HMGN1: variants seen among roughly 807,000 people sequenced by gnomAD.
The protein encoded by HMGN1 is non-histone chromosomal protein HMG-14.
HMGN1 carries 9 observed loss-of-function variants against 18.4 expected under a neutral mutation model. That is an observed-to-expected ratio of 0.49 (90% CI 0.29 to 0.85). HMGN1 has a LOEUF of 0.85. HMGN1 is among the 40% of genes least tolerant of loss of function. The pLI, the probability that HMGN1 is intolerant of heterozygous loss-of-function variation, is 0.07. For missense variants in HMGN1, 151 were observed against 119.2 expected, an observed-to-expected ratio of 1.27 and a Z score of -1.24; for synonymous variants, 59 against 45.0, an observed-to-expected ratio of 1.31 and a Z score of -1.24.
At chr21:39,348,016 G>A in intron 4 of HMGN1, 1 of 1,154,128 alleles carries the variant, frequency 8.7e-7, no homozygotes, top group East Asian at 3.0e-5. Context: ...CACAATGTAC[G>A]CAACGCAAAG....
At chr21:39,344,025 C>T (rs1903766398) in intron 5 of HMGN1, among the ~76,000 whole-genome samples, 2 of 152,052 alleles carry the variant, frequency 1.3e-5, no homozygotes, top group East Asian at 1.9e-4. Flanking sequence ...GAGGCCAAGG[C>T]GGACAGATCA....
rs192228448 is a variant in HMGN1, at chr21:39,345,764, A to T, written c.127-490T>A. 102 of 1,235,584 alleles carry T rather than the reference A, an allele frequency of 8.3e-5. No homozygotes were observed. The African/African-American group carries it at 1.5e-3, about 18-fold the overall frequency. The allele number at this position is 1,235,584 out of a possible 1,614,324, so 76.5% of individuals were successfully genotyped here. On this transcript the variant is annotated intron_variant, in intron 4 of 5. Transcript: ENST00000380749. ...TCGACCGTATTCCCACCCATCCCCA[A>T]ATTTGTTGTGAACTTCAACAATACT...
chr21:39,344,495 T>TGA (rs1180126427), intron 5 of HMGN1: 1 of 152,200 alleles, frequency 6.6e-6, no homozygotes, highest in Non-Finnish European at 1.5e-5. Flanking sequence ...CTGGCTTAAC[T>TGA]GAATCTTGCA....
intron 4 of HMGN1, chr21:39,347,366 CTT>C (rs1291066511): frequency 9.1e-7 from 1 of 1,095,792 alleles, no homozygotes; most frequent in Non-Finnish European, 1.2e-6. Flanking sequence ...GAAAAAACAT[CTT>C]TGTTTTATAC....
chr21:39,346,205 C>G (rs1330114513), intron 4 of HMGN1: 3 of 345,620 alleles, frequency 8.7e-6, no homozygotes, highest in East Asian at 7.6e-5. Flanking sequence ...TAAAGACAAG[C>G]AAGTAGAGCT....
At chr21:39,343,651 G>GT (rs1248991194) in intron 5 of HMGN1, among the ~76,000 whole-genome samples, 1 of 152,204 alleles carries the variant, frequency 6.6e-6, no homozygotes, top group Non-Finnish European at 1.5e-5. Context: ...CTACTGGGTA[G>GT]TGAGTTCGAT....
chr21:39,347,993 G>C (rs1601559384), intron 4 of HMGN1: 1 of 1,275,848 alleles, frequency 7.8e-7, no homozygotes, highest in Non-Finnish European at 1.0e-6. Context: ...CGAATTAAAA[G>C]CCAAGCACCA....
chr21:39,343,836 T>C (rs2146852159), intron 5 of HMGN1, among the ~76,000 whole-genome samples: 1 of 152,298 alleles, frequency 6.6e-6, no homozygotes, highest in African/African-American at 2.4e-5. Flanking sequence ...AGAACACAGC[T>C]ATAAACAAGG....
chr21:39,348,462 G>C lies in HMGN1; in HGVS notation c.49-11C>G. The C allele has an allele frequency of 6.2e-7, 1 of 1,614,130 alleles. No homozygotes were observed. Among genetic ancestry groups the C allele is most frequent in the Non-Finnish European group, 8.5e-7 (1 of 1,180,006 alleles). ...CGATCTCCTCTTGGGCTTGGAGAAA[G>C]AAAAAGGAGAGTCAGCGAGAAGAGA... On this transcript the variant is annotated splice_polypyrimidine_tract_variant and intron_variant, in intron 2 of 5. Coordinates refer to ENST00000380749, the MANE Select transcript of HMGN1 (RefSeq NM_004965.7).
Position 39,342,342 on chromosome 21 carries a change from T to G in HMGN1, c.*770A>C, listed in dbSNP as rs2146849571. On this transcript the variant is annotated 3_prime_UTR_variant, in exon 6 of 6. Transcript: ENST00000380749. Reference sequence around the variant, plus strand: ...TTTTCATAACTGAGATTTTATTGGTTGAGGATCAGTACAGACATTTCAATT... The same window carrying G: ...TTTTCATAACTGAGATTTTATTGGTGGAGGATCAGTACAGACATTTCAATT... 6.5e-6 allele frequency: 1 copy of G among 153,824 alleles called. No individual in the cohort carries two copies. The highest frequency in any genetic ancestry group is 1.5e-5 in the Non-Finnish European group (1 of 68,758). 9.5% of individuals were successfully genotyped at this position (153,824 alleles called of 1,614,324 possible).
intron 5 of HMGN1, among the ~76,000 whole-genome samples, chr21:39,344,234 C>T (rs2036962308): frequency 8.9e-6 from 1 of 112,486 alleles, no homozygotes; most frequent in Admixed American, 1.1e-4. Flanking sequence ...CCAGCTTGGG[C>T]AACAAGAGCG....
chr21:39,345,950 T>C (rs572019806), intron 4 of HMGN1: 287 of 1,301,520 alleles, frequency 2.2e-4, no homozygotes, highest in Non-Finnish European at 2.5e-4. Context: ...ATTTAGGTGT[T>C]TGAAGAATCT....
chr21:39,345,714 G>T, intron 4 of HMGN1: 2 of 621,856 alleles, frequency 3.2e-6, no homozygotes, highest in South Asian at 3.0e-5. Context: ...ACAATGTCAT[G>T]AAGTTGAATA....
At chr21:39,348,486 G>A (rs913806755) in intron 2 of HMGN1, 35 bp from the exon 3 acceptor site, 6 of 1,614,146 alleles carry the variant, frequency 3.7e-6, no homozygotes, top group Non-Finnish European at 5.1e-6. Context: ...AGCGAGAAGA[G>A]AAGGCAGGCC....
At position 39,342,323 on chromosome 21, in the gene HMGN1, T is replaced by C. The variant is rs983266263; in HGVS notation, c.*789A>G. On this transcript the variant is annotated 3_prime_UTR_variant, in exon 6 of 6. Coordinates refer to ENST00000380749, the MANE Select transcript of HMGN1 (RefSeq NM_004965.7). ...ATCCATGTGCTTCAAAATATTTTCA[T>C]AACTGAGATTTTATTGGTTGAGGAT... 1 of 152,750 alleles carries C rather than the reference T, an allele frequency of 6.5e-6. No individual in the cohort carries two copies. The highest frequency in any genetic ancestry group is 6.5e-5 in the Admixed American group (1 of 15,306). 9.5% of individuals were successfully genotyped at this position (152,750 alleles called of 1,614,324 possible).
intron 5 of HMGN1, among the ~76,000 whole-genome samples, 190 bp from the exon 6 acceptor site, chr21:39,343,349 G>C (rs977375806): frequency 2.6e-5 from 4 of 152,146 alleles, no homozygotes; most frequent in Non-Finnish European, 4.4e-5. Flanking sequence ...CCATGGTCAT[G>C]TGCATGCATC....
intron 4 of HMGN1, chr21:39,346,122 A>G: frequency 2.5e-6 from 1 of 400,750 alleles, no homozygotes. Flanking sequence ...CAGCAGCTAA[A>G]TTAGTTTAGC....
In HMGN1 at chr21:39,345,413, TCA is replaced by T. The variant is rs1428802451; in HGVS notation, c.127-141_127-140del. 10 of 758,926 alleles carry T rather than the reference TCA, an allele frequency of 1.3e-5. No homozygotes were observed. In the African/African-American group the frequency reaches 1.6e-4, roughly 12 times the overall value. 47.0% of individuals were successfully genotyped at this position (758,926 alleles called of 1,614,324 possible). On this transcript the variant is annotated intron_variant, in intron 4 of 5. Coordinates refer to ENST00000380749, the MANE Select transcript of HMGN1 (RefSeq NM_004965.7). ...TAGTAAGGTTTGAGAGAGGGACATC[TCA>T]CACATGAGCGTGAAACCCCAATCTT...
intron 5 of HMGN1, 30 bp from the exon 6 acceptor site, chr21:39,343,189 G>C: frequency 6.3e-7 from 1 of 1,578,262 alleles, no homozygotes; most frequent in Non-Finnish European, 8.6e-7. Flanking sequence ...GAGATCTTTA[G>C]CATTTAACAC....
Sources: allele counts gnomAD v4.1 joint callset (sites outside exome capture counted in the v4.1 genomes callset), GRCh38; gene constraint gnomAD v4.1.1; transcripts MANE v1.5; gene names NCBI Gene and HGNC (gene_info 2026-07-23, HGNC 2026-07-21).